ZNF407: variants seen among roughly 807,000 people sequenced by gnomAD.
ZNF407 encodes zinc finger protein 407.
Under a neutral mutation model 131.2 loss-of-function variants are expected in ZNF407, and 17 were observed. That is an observed-to-expected ratio of 0.13 (90% CI 0.09 to 0.19). ZNF407 has a LOEUF of 0.19. ZNF407 is among the 10% of genes least tolerant of loss of function. ZNF407 has a pLI of 1.00. For synonymous variants in ZNF407, 1,156 were observed against 1,062.0 expected (o/e 1.09, Z -1.72); for missense variants, 2,681 against 2,830.6 (o/e 0.95, Z 1.20).
intron 4 of ZNF407, among the ~76,000 whole-genome samples, chr18:74,864,177 A>G (rs1163823199): frequency 6.6e-6 from 1 of 152,034 alleles, no homozygotes; most frequent in Non-Finnish European, 1.5e-5. Context: ...CTCTTTGATT[A>G]CTCTTCGTTA....
At position 74,631,707 on chromosome 18, in the gene ZNF407, C is replaced by G. The variant is rs567735887; in HGVS notation, c.688C>G (p.Leu230Val). Residue 230 changes from leucine (L) to valine (V), a missense_variant, in exon 2 of 9, where the codon CTA (leucine) becomes GTA (valine). Leu to Val is a conservative substitution (Grantham distance 32). Transcript: ENST00000299687. ...CCACAAAGCAGAGAGCAGCTCAGCA[C>G]TACATATGCATATCAAACAAGCACA... ...CSHKAESSSA[L>V]HMHIKQAHGP... 1 of 1,614,002 alleles carries G rather than the reference C, an allele frequency of 6.2e-7. No homozygotes were observed. Among genetic ancestry groups the G allele is most frequent in the Non-Finnish European group, 8.5e-7 (1 of 1,179,896 alleles).
At chr18:74,899,099 C>T (rs1454850752) in intron 7 of ZNF407, among the ~76,000 whole-genome samples, 1 of 152,172 alleles carries the variant, frequency 6.6e-6, no homozygotes, top group Non-Finnish European at 1.5e-5. Context: ...GGGTTTCTCT[C>T]CACTGTCCAT....
At chr18:74,613,034 C>T (rs1479839502) in intron 1 of ZNF407, among the ~76,000 whole-genome samples, 2 of 152,040 alleles carry the variant, frequency 1.3e-5, no homozygotes, top group Non-Finnish European at 2.9e-5. Flanking sequence ...ATTACTAGCC[C>T]TTAAAAGTAT....
intron 3 of ZNF407, among the ~76,000 whole-genome samples, chr18:74,727,908 T>G (rs956095198): frequency 2.6e-5 from 4 of 152,184 alleles, no homozygotes; most frequent in Admixed American, 2.6e-4. Context: ...GTATCTAGGC[T>G]GGATTCGGAC....
chr18:74,634,870 G>C lies in ZNF407; in HGVS notation c.3851G>C (p.Arg1284Thr), dbSNP rs1236358915. The C allele has an allele frequency of 6.2e-7, 1 of 1,613,660 alleles. No individual in the cohort carries two copies. The highest frequency in any genetic ancestry group is 8.5e-7 in the Non-Finnish European group (1 of 1,179,710). Reference sequence around the variant, plus strand: ...AATCTGGAGAGCGGGGGTCAGAACAGAGTTGCACGTGGGCATGGTTTGGAA... The same window carrying C: ...AATCTGGAGAGCGGGGGTCAGAACACAGTTGCACGTGGGCATGGTTTGGAA... ...QGNLESGGQNRVARGHGLEDL... is the reference protein window; with the variant it reads ...QGNLESGGQNTVARGHGLEDL... The change falls in exon 2 of 9, where the codon AGA becomes ACA. Residue 1284 changes from arginine to threonine, a missense_variant. Physicochemically the swap from Arg to Thr is moderately conservative, Grantham distance 71. Transcript: ENST00000299687.
At chr18:74,614,219 G>GT (rs1983186267) in intron 1 of ZNF407, among the ~76,000 whole-genome samples, 1 of 152,186 alleles carries the variant, frequency 6.6e-6, no homozygotes, top group Non-Finnish European at 1.5e-5. Context: ...AGAAATTACA[G>GT]TTTCCAAAAA....
intron 8 of ZNF407, among the ~76,000 whole-genome samples, chr18:75,041,744 C>T (rs1973376487): frequency 6.6e-6 from 1 of 152,112 alleles, no homozygotes. Context: ...ACAATTACAG[C>T]CACCTAGTGG....
chr18:74,932,895 G>T (rs1309369566), intron 8 of ZNF407, among the ~76,000 whole-genome samples: 1 of 152,232 alleles, frequency 6.6e-6, no homozygotes, highest in Non-Finnish European at 1.5e-5. Flanking sequence ...AGAAAATTGC[G>T]AGTGCTGACA....
Position 75,064,246 on chromosome 18 carries a change from G to T in ZNF407, c.6525G>T (p.Leu2175=). 1 of 1,606,504 alleles carries T rather than the reference G, an allele frequency of 6.2e-7. No homozygotes were observed. Reference sequence around the variant, plus strand: ...CCACGCACTACATCCTGACAGAGCTGCCCCCAGGGGTGCAGGACGAGCCGG... The same window carrying T: ...CCACGCACTACATCCTGACAGAGCTTCCCCCAGGGGTGCAGGACGAGCCGG... ...EGTTHYILTE[L]PPGVQDEPGL... Residue 2175 remains leucine, a synonymous_variant, in exon 9 of 9, where the codon CTG becomes CTT. Transcript: ENST00000299687.
chr18:74,905,683 A>G (rs1971586586), intron 7 of ZNF407: 1 of 152,258 alleles, frequency 6.6e-6, no homozygotes, highest in South Asian at 2.1e-4. Context: ...TTCAATGTGC[A>G]TCAATTTGTC....
At chr18:74,818,864 G>GGAAAAAAA (rs1599174789) in intron 4 of ZNF407, among the ~76,000 whole-genome samples, 1 of 28,458 alleles carries the variant, frequency 3.5e-5, no homozygotes, top group African/African-American at 6.0e-5. Context: ...CCATTGAACA[G>GGAAAAAAA]TAAAAAAAAA....
intron 3 of ZNF407, among the ~76,000 whole-genome samples, chr18:74,687,659 T>C (rs1438474658): frequency 6.6e-6 from 1 of 152,220 alleles, no homozygotes; most frequent in Non-Finnish European, 1.5e-5. Flanking sequence ...AATATCTATA[T>C]GTCTTTTCTT....
intron 4 of ZNF407, among the ~76,000 whole-genome samples, chr18:74,790,628 T>C (rs1410694271): frequency 2.0e-5 from 3 of 152,244 alleles, no homozygotes; most frequent in African/African-American, 4.8e-5. Flanking sequence ...TAAGCTCTTA[T>C]CTTTAACTCC....
chr18:74,877,513 A>G, intron 5 of ZNF407, 150 bp downstream of exon 5: 2 of 802,818 alleles, frequency 2.5e-6, no homozygotes, highest in Admixed American at 2.8e-5. Context: ...ATTTATAGGT[A>G]TGGTATCATT....
At chr18:74,678,433 G>T (rs1048852796) in intron 3 of ZNF407, among the ~76,000 whole-genome samples, 23 of 152,136 alleles carry the variant, frequency 1.5e-4, no homozygotes, top group African/African-American at 5.6e-4. Flanking sequence ...ACATTGGCCT[G>T]CCTGCAACCC....
rs1268797247 is a variant in ZNF407, at chr18:74,737,109, C to T, written c.4803-44319C>T. On this transcript the variant is annotated intron_variant, in intron 3 of 8. Transcript: ENST00000299687. ...AATGCAGTTTTGTAATAAAATTGTA[C>T]GATGAGCTTGCACAAGCTTTTTAAA... Among the ~76,000 whole-genome samples the T allele has an allele frequency of 6.4e-4, 97 of 152,262 alleles. 3 individuals are homozygous for T. The highest frequency in any genetic ancestry group is 1.8e-4 in the Non-Finnish European group (12 of 68,012).
At chr18:75,051,550 A>G (rs1239600798) in intron 8 of ZNF407, among the ~76,000 whole-genome samples, 1 of 152,244 alleles carries the variant, frequency 6.6e-6, no homozygotes, top group Non-Finnish European at 1.5e-5. Flanking sequence ...TTCATGAAGC[A>G]GAGTGATAGC....
chr18:74,655,497 T>A (rs1258759617), intron 3 of ZNF407, among the ~76,000 whole-genome samples: 3 of 152,104 alleles, frequency 2.0e-5, no homozygotes, highest in Non-Finnish European at 4.4e-5. Context: ...CTTGCACGCA[T>A]AGCATGGATG....
intron 3 of ZNF407, among the ~76,000 whole-genome samples, chr18:74,772,951 C>T (rs1057260797): frequency 9.9e-5 from 15 of 152,056 alleles, no homozygotes; most frequent in South Asian, 2.1e-4. Context: ...ATTACTAAAT[C>T]GGGAAGGTGG....
Sources: allele counts gnomAD v4.1 joint callset (sites outside exome capture counted in the v4.1 genomes callset), GRCh38; gene constraint gnomAD v4.1.1; transcripts MANE v1.5; gene names NCBI Gene and HGNC (gene_info 2026-07-23, HGNC 2026-07-21).